The following UGT1A5 variants were observed in gnomAD, a reference collection of about 807,000 sequenced individuals.
UGT1A5 encodes the protein UDP-glucuronosyltransferase 1A5.
Under a neutral mutation model 40.3 loss-of-function variants are expected in UGT1A5, and 29 were observed. The observed-to-expected ratio is 0.72, with a 90% CI of 0.54 to 0.98. UGT1A5 has a LOEUF of 0.98. Ranked by LOEUF, UGT1A5 falls within the 50% of genes least tolerant of loss-of-function variation. The probability of loss-of-function intolerance (pLI) is 0.00; values close to 1 mark genes in which losing one functional copy is unlikely to be tolerated. For synonymous variants in UGT1A5, 257 were observed against 262.5 expected (o/e 0.98, Z 0.20); for missense variants, 678 against 677.9 (o/e 1.00, Z 0.00).
At chr2:233,751,528 T>C (rs1694749369) in intron 1 of UGT1A5, among the ~76,000 whole-genome samples, 1 of 152,240 alleles carries the variant, frequency 6.6e-6, no homozygotes, top group Admixed American at 6.5e-5. Context: ...ATGATATGGT[T>C]TGACTCTGTG....
chr2:233,724,298 C>A (rs1308100434), intron 1 of UGT1A5, among the ~76,000 whole-genome samples: 9 of 143,244 alleles, frequency 6.3e-5, no homozygotes, highest in South Asian at 2.4e-4. Context: ...CTGACCCCCC[C>A]ACCTCCCTCC....
Position 233,769,262 on chromosome 2 carries a change from G to A in UGT1A5, c.1307+823G>A, listed in dbSNP as rs1197405588. ...TTTGCTCAAATGTGGCCCTGAAAAC[G>A]ATTCAAAGGGCAAATGATTTCTGGA... is the stretch of plus-strand genomic sequence containing the variant. On this transcript the variant is annotated intron_variant, in intron 4 of 4. Coordinates refer to ENST00000373414, the MANE Select transcript of UGT1A5 (RefSeq NM_019078.2). The surrounding 1 kb of genome is among the most constrained non-coding windows in gnomAD (Gnocchi z 4.4). Among the ~76,000 whole-genome samples the A allele has an allele frequency of 1.3e-5, 2 of 152,184 alleles. No homozygotes were observed. The highest frequency in any genetic ancestry group is 2.9e-5 in the Non-Finnish European group (2 of 68,036).
At chr2:233,716,104 T>A (rs1411406439) in intron 1 of UGT1A5, among the ~76,000 whole-genome samples, 1 of 152,220 alleles carries the variant, frequency 6.6e-6, no homozygotes, top group Non-Finnish European at 1.5e-5. Flanking sequence ...TAACAGAAAT[T>A]TAGTTTTTCC....
intron 1 of UGT1A5, among the ~76,000 whole-genome samples, chr2:233,721,093 C>G (rs2076921307): frequency 6.6e-6 from 1 of 151,954 alleles, no homozygotes; most frequent in Admixed American, 6.6e-5. Flanking sequence ...GAGTTTAGGT[C>G]CTTTGTATTC....
intron 1 of UGT1A5, among the ~76,000 whole-genome samples, chr2:233,763,201 A>G (rs1698260183): frequency 6.6e-6 from 1 of 152,250 alleles, no homozygotes; most frequent in South Asian, 2.1e-4. Flanking sequence ...TGTTTGGTGC[A>G]GTCAGGCTTA....
intron 1 of UGT1A5, chr2:233,729,592 C>A (rs1253832448): frequency 6.2e-7 from 1 of 1,613,966 alleles, no homozygotes; most frequent in African/African-American, 1.3e-5. Flanking sequence ...CCCCGTTAAC[C>A]TCTGCGCGGC....
intron 1 of UGT1A5, chr2:233,719,276 C>T (rs749630489): frequency 1.9e-6 from 3 of 1,614,118 alleles, no homozygotes; most frequent in Non-Finnish European, 2.5e-6. Flanking sequence ...TTTTAACAGA[C>T]CCCGTTAACC....
rs1421246171 is a variant in UGT1A5, at chr2:233,747,288, G to T, written c.868-19746G>T. ...TACTCCTTCTCAGTGCCCAGCCCTG[G>T]GCTGAGAGTGGGAAGGTGCTGGTGG... On this transcript the variant is annotated intron_variant, in intron 1 of 4. Transcript: ENST00000373414. 3 of 1,601,214 alleles carry T rather than the reference G, an allele frequency of 1.9e-6. No homozygotes were observed. The African/African-American group carries it at 4.0e-5, about 22-fold the overall frequency.
At chr2:233,744,211 G>A (rs1692734898) in intron 1 of UGT1A5, among the ~76,000 whole-genome samples, 1 of 151,828 alleles carries the variant, frequency 6.6e-6, no homozygotes, top group African/African-American at 2.4e-5. Context: ...GGGAAAAAGA[G>A]GTTGGGGAAA....
At chr2:233,724,842 G>C (rs2077321270) in intron 1 of UGT1A5, among the ~76,000 whole-genome samples, 1 of 132,456 alleles carries the variant, frequency 7.5e-6, no homozygotes, top group Non-Finnish European at 1.6e-5. Flanking sequence ...GGAGGCCAAG[G>C]CAGGCGGCTG....
At chr2:233,751,564 T>G (rs1694753266) in intron 1 of UGT1A5, among the ~76,000 whole-genome samples, 2 of 152,188 alleles carry the variant, frequency 1.3e-5, no homozygotes, top group Non-Finnish European at 2.9e-5. Context: ...CATCTCAAAT[T>G]GTAATCTCCA....
chr2:233,766,840 C>G (rs1430018242), intron 1 of UGT1A5, among the ~76,000 whole-genome samples, 194 bp from the exon 2 acceptor site: 6 of 152,184 alleles, frequency 3.9e-5, no homozygotes, highest in Admixed American at 2.0e-4. Flanking sequence ...AGCAGGAACC[C>G]TTCCTCCTTT....
chr2:233,747,003 G>A (rs1452133223), intron 1 of UGT1A5, among the ~76,000 whole-genome samples: 4 of 151,906 alleles, frequency 2.6e-5, no homozygotes, highest in African/African-American at 4.9e-5. Flanking sequence ...AGTTTTTCAA[G>A]TAGGAGTGAT....
At chr2:233,757,283 G>A (rs1259796690) in intron 1 of UGT1A5, among the ~76,000 whole-genome samples, 1 of 145,382 alleles carries the variant, frequency 6.9e-6, no homozygotes, top group African/African-American at 2.6e-5. Context: ...TGATTCAGAA[G>A]GGACAGCTGG....
chr2:233,737,246 C>T (rs535872842), intron 1 of UGT1A5, among the ~76,000 whole-genome samples: 57 of 152,356 alleles, frequency 3.7e-4, no homozygotes, highest in African/African-American at 1.3e-3. Flanking sequence ...TGTTTACCTA[C>T]TCAAGCCTCA....
intron 1 of UGT1A5, among the ~76,000 whole-genome samples, chr2:233,731,455 G>A (rs1469328234): frequency 6.6e-6 from 1 of 152,026 alleles, no homozygotes; most frequent in Non-Finnish European, 1.5e-5. Context: ...CCCACAACAG[G>A]CCCTGGCGTG....
At chr2:233,758,273 A>C (rs575144774) in intron 1 of UGT1A5, among the ~76,000 whole-genome samples, 2 of 152,350 alleles carry the variant, frequency 1.3e-5, no homozygotes, top group South Asian at 4.1e-4. Context: ...TTCTTGGTCA[A>C]GGGCAGAGCT....
At chr2:233,759,153 G>A (rs1244080154) in intron 1 of UGT1A5, among the ~76,000 whole-genome samples, 1 of 152,246 alleles carries the variant, frequency 6.6e-6, no homozygotes, top group Non-Finnish European at 1.5e-5. Flanking sequence ...GAGTTCCACA[G>A]AACACAAGGC....
intron 1 of UGT1A5, among the ~76,000 whole-genome samples, chr2:233,720,489 G>C (rs2076863556): frequency 6.6e-6 from 1 of 152,082 alleles, no homozygotes; most frequent in Non-Finnish European, 1.5e-5. Flanking sequence ...TGTCCAAGAA[G>C]GGAAGTGTTT....
Sources: gnomAD v4.1 joint callset for allele counts (sites outside exome capture counted in the v4.1 genomes callset) on GRCh38, gnomAD v4.1.1 for gene constraint, Gnocchi (gnomAD v3.1) non-coding constraint, MANE v1.5 for transcripts, NCBI Gene and HGNC (gene_info 2026-07-23, HGNC 2026-07-21) for gene names.